The following CTNNA2 variants were observed in gnomAD, a reference collection of about 807,000 sequenced individuals.
CTNNA2 encodes catenin alpha 2.
Under a neutral mutation model 101.0 loss-of-function variants are expected in CTNNA2, and 42 were observed. The observed-to-expected ratio is 0.42, with a 90% CI of 0.32 to 0.54. The LOEUF (loss-of-function observed/expected upper bound fraction) is 0.54. Among genes scored for constraint, CTNNA2 ranks in the 20% least tolerant of loss-of-function variants. The pLI, the probability that CTNNA2 is intolerant of heterozygous loss-of-function variation, is 0.14. For missense variants in CTNNA2, 871 were observed against 1,223.1 expected (o/e 0.71, Z 4.29); for synonymous variants, 450 against 456.4 (o/e 0.99, Z 0.18).
At chr2:79,494,439 T>C (rs977009000) in intron 4 of CTNNA2, among the ~76,000 whole-genome samples, 3 of 152,114 alleles carry the variant, frequency 2.0e-5, no homozygotes, top group Admixed American at 2.0e-4. Flanking sequence ...ATCAAGACAG[T>C]GTAGTACTGG....
chr2:79,411,051 T>G (rs969405933), intron 4 of CTNNA2, among the ~76,000 whole-genome samples: 10 of 152,146 alleles, frequency 6.6e-5, no homozygotes, highest in African/African-American at 2.2e-4. Context: ...GTTGAGGAAT[T>G]TATCCATTTC....
intron 7 of CTNNA2, among the ~76,000 whole-genome samples, chr2:79,929,796 A>T (rs1321605287): frequency 1.3e-5 from 2 of 152,182 alleles, no homozygotes; most frequent in Non-Finnish European, 2.9e-5. Context: ...TGGAAATGAT[A>T]ATCAGTTCCA....
chr2:80,573,550 A>G (rs1558602768), intron 12 of CTNNA2, among the ~76,000 whole-genome samples: 1 of 151,552 alleles, frequency 6.6e-6, no homozygotes, highest in Non-Finnish European at 1.5e-5. Context: ...CCCCTCCCCC[A>G]TGTCTCAAGT....
At chr2:79,915,306 AACACAC>A (rs10547196) in intron 7 of CTNNA2, among the ~76,000 whole-genome samples, 75,694 of 149,318 alleles carry the variant, frequency 0.51, 19,496 homozygotes, top group East Asian at 0.75. Flanking sequence ...CACACACACA[AACACAC>A]ACACACACAC....
intron 7 of CTNNA2, among the ~76,000 whole-genome samples, chr2:80,236,179 T>C (rs916534506): frequency 6.6e-6 from 1 of 152,228 alleles, no homozygotes; most frequent in African/African-American, 2.4e-5. Flanking sequence ...CCATGGTTTA[T>C]ATGTACCACA....
At chr2:79,638,446 G>A (rs1680227272) in intron 1 of CTNNA2, among the ~76,000 whole-genome samples, 1 of 152,082 alleles carries the variant, frequency 6.6e-6, no homozygotes, top group Non-Finnish European at 1.5e-5. Context: ...AACACAACTC[G>A]TGCTGAAATG....
At chr2:80,421,136 G>C (rs61149562) in intron 9 of CTNNA2, among the ~76,000 whole-genome samples, 6,533 of 152,182 alleles carry the variant, frequency 0.043, 486 homozygotes, top group African/African-American at 0.15. Flanking sequence ...GGTACAGAAG[G>C]AAGGGAAGAA....
intron 7 of CTNNA2, among the ~76,000 whole-genome samples, chr2:80,220,206 A>G (rs1054742875): frequency 2.0e-5 from 3 of 152,300 alleles, no homozygotes; most frequent in East Asian, 3.9e-4. Flanking sequence ...CCATAGACAT[A>G]CTAATTCATC....
chr2:79,611,058 T>C (rs1678239690), intron 1 of CTNNA2, among the ~76,000 whole-genome samples: 1 of 152,094 alleles, frequency 6.6e-6, no homozygotes, highest in Admixed American at 6.6e-5. Context: ...AAGTTTCAGA[T>C]AAACAAAACA....
chr2:79,893,222 C>T (rs1189534205), intron 6 of CTNNA2, among the ~76,000 whole-genome samples: 1 of 152,116 alleles, frequency 6.6e-6, no homozygotes, highest in Non-Finnish European at 1.5e-5. Context: ...CCTCCTTCAG[C>T]CCGTTTTCTC....
intron 7 of CTNNA2, among the ~76,000 whole-genome samples, chr2:80,033,148 CAA>C (rs781462046): frequency 1.4e-4 from 8 of 56,120 alleles, no homozygotes; most frequent in Non-Finnish European, 1.9e-4. Flanking sequence ...GACTCCATCT[CAA>C]AAAAAAAAAA....
intron 3 of CTNNA2, among the ~76,000 whole-genome samples, chr2:79,803,682 GTTTATGGCCAGT>G (rs1676342110): frequency 6.6e-6 from 1 of 152,210 alleles, no homozygotes; most frequent in Non-Finnish European, 1.5e-5. Flanking sequence ...AGAGATTTTT[GTTTATGGCCAGT>G]TTTGGGGCCA....
At chr2:80,003,495 A>G (rs944071070) in intron 7 of CTNNA2, among the ~76,000 whole-genome samples, 5 of 152,148 alleles carry the variant, frequency 3.3e-5, no homozygotes, top group Admixed American at 2.0e-4. Flanking sequence ...CACAATGGGC[A>G]CTGTGCCTCA....
intron 8 of CTNNA2, among the ~76,000 whole-genome samples, chr2:80,404,966 C>T (rs540497621): frequency 2.9e-4 from 44 of 152,290 alleles, no homozygotes; most frequent in African/African-American, 8.7e-4. Flanking sequence ...GTTCCAGAGA[C>T]GTACAAATAT....
intron 3 of CTNNA2, among the ~76,000 whole-genome samples, chr2:79,793,085 A>G (rs538327486): frequency 2.0e-5 from 3 of 152,292 alleles, no homozygotes; most frequent in South Asian, 2.1e-4. Flanking sequence ...TCCAGAGAAT[A>G]TGGGCCTAAG....
Position 80,099,083 on chromosome 2 carries a change from G to A in CTNNA2, c.1056+189286G>A, listed in dbSNP as rs541003705. Reference sequence around the variant, plus strand: ...TCAGTTGGAAATGCAGAAATCACCCGTCTTCTGCGTGGCTCATGCTGGGAG... The same window carrying A: ...TCAGTTGGAAATGCAGAAATCACCCATCTTCTGCGTGGCTCATGCTGGGAG... On this transcript the variant is annotated intron_variant, in intron 7 of 18. Transcript: ENST00000402739. Among the ~76,000 whole-genome samples, 44 of 151,882 alleles carry A rather than the reference G, an allele frequency of 2.9e-4. 1 individual carries two copies. In the East Asian group the frequency reaches 5.5e-3, roughly 19 times the overall value.
intron 7 of CTNNA2, among the ~76,000 whole-genome samples, chr2:80,102,499 G>GTTTA (rs1429195919): frequency 3.8e-4 from 58 of 152,136 alleles, no homozygotes; most frequent in African/African-American, 1.3e-3. Flanking sequence ...CACTAAATTT[G>GTTTA]TTTATTTATT....
At chr2:79,349,945 G>C (rs186132449) in intron 3 of CTNNA2, among the ~76,000 whole-genome samples, 1 of 151,716 alleles carries the variant, frequency 6.6e-6, no homozygotes, top group Non-Finnish European at 1.5e-5. Flanking sequence ...GTGGTGGCGG[G>C]CGCCTGTAGT....
At chr2:80,265,268 C>T (rs114084589) in intron 7 of CTNNA2, among the ~76,000 whole-genome samples, 12 of 152,130 alleles carry the variant, frequency 7.9e-5, no homozygotes, top group Non-Finnish European at 1.2e-4. Context: ...AGCCACTCCT[C>T]CCGGCCAGGA....
Sources: allele counts gnomAD v4.1 joint callset (sites outside exome capture counted in the v4.1 genomes callset), GRCh38; gene constraint gnomAD v4.1.1; transcripts MANE v1.5; gene names NCBI Gene and HGNC (gene_info 2026-07-23, HGNC 2026-07-21).